TMEM131: variants seen among roughly 807,000 people sequenced by gnomAD.
The protein encoded by TMEM131 is transmembrane protein 131, also known as 2610524E03Rik.
Under a neutral mutation model 211.6 loss-of-function variants are expected in TMEM131, and 66 were observed. The ratio of observed to expected loss-of-function variants is 0.31; its 90% CI spans 0.26 to 0.38. The LOEUF is 0.38. TMEM131 is among the 10% of genes least tolerant of loss of function. TMEM131 has a pLI of 1.00. For synonymous variants in TMEM131, 844 were observed against 841.3 expected (o/e 1.00, Z -0.06); for missense variants, 2,036 against 2,299.3 (o/e 0.89, Z 2.34).
intron 9 of TMEM131, 48 bp downstream of exon 9, chr2:97,834,727 C>G: frequency 6.2e-7 from 1 of 1,607,376 alleles, no homozygotes; most frequent in Non-Finnish European, 8.5e-7. Context: ...CCAGAGTAAG[C>G]TATACTGAAA....
chr2:97,802,593 TA>T, intron 23 of TMEM131, 56 bp from the exon 24 acceptor site: 3 of 1,603,970 alleles, frequency 1.9e-6, no homozygotes, highest in Non-Finnish European at 2.6e-6. Context: ...AAGCTAAGAG[TA>T]AATACTTTAT....
chr2:97,973,268 T>C (rs1203843068), intron 1 of TMEM131, among the ~76,000 whole-genome samples: 1 of 152,234 alleles, frequency 6.6e-6, no homozygotes, highest in Non-Finnish European at 1.5e-5. Flanking sequence ...CTTCTGGGCA[T>C]GATGTACCCT....
chr2:97,766,679 C>A (rs1257470566), intron 33 of TMEM131, 77 bp from the exon 34 acceptor site: 2 of 1,541,402 alleles, frequency 1.3e-6, no homozygotes, highest in African/African-American at 1.4e-5. Context: ...GATTGTAATT[C>A]TTCTACAATA....
chr2:97,792,254 C>T, intron 31 of TMEM131, 132 bp downstream of exon 31: 2 of 676,234 alleles, frequency 3.0e-6, no homozygotes, highest in Admixed American at 3.6e-5. Context: ...AAGTCCAACA[C>T]TGGAGATAAA....
At chr2:97,902,371 A>G (rs1040832840) in intron 3 of TMEM131, among the ~76,000 whole-genome samples, 1 of 152,198 alleles carries the variant, frequency 6.6e-6, no homozygotes, top group African/African-American at 2.4e-5. Context: ...GATTGAACAA[A>G]TCAATACACT....
chr2:97,932,315 T>A (rs1677260331), intron 1 of TMEM131, among the ~76,000 whole-genome samples: 1 of 152,206 alleles, frequency 6.6e-6, no homozygotes, highest in Admixed American at 6.5e-5. Context: ...AAAGACATTT[T>A]ATGATCAAAG....
In TMEM131 at chr2:97,901,346, G is replaced by A. The variant is rs148909766; in HGVS notation, c.290+7312C>T. The stretch of plus-strand genomic sequence containing the variant: ...TTTCTTCAAGTAGTTTTATAGTTTC[G>A]GGTCTTAGATATAAGTCTTTAATCC... On this transcript the variant is annotated intron_variant, in intron 3 of 40. Transcript: ENST00000186436. Among the ~76,000 whole-genome samples the A allele has an allele frequency of 3.2e-3, 481 of 152,006 alleles. 1 individual carries two copies. The highest frequency in any genetic ancestry group is 5.8e-3 in the Non-Finnish European group (397 of 67,920).
intron 2 of TMEM131, among the ~76,000 whole-genome samples, chr2:97,922,220 C>G (rs770032644): frequency 6.6e-6 from 1 of 152,154 alleles, no homozygotes; most frequent in East Asian, 1.9e-4. Flanking sequence ...GAATCTAATG[C>G]CACCACTGAT....
intron 1 of TMEM131, among the ~76,000 whole-genome samples, chr2:97,932,938 GATT>G (rs1209910730): frequency 6.6e-6 from 1 of 151,684 alleles, no homozygotes; most frequent in African/African-American, 2.4e-5. Context: ...GGCTCCATAA[GATT>G]ATAATACTGT....
intron 28 of TMEM131, among the ~76,000 whole-genome samples, 187 bp from the exon 29 acceptor site, chr2:97,795,302 T>C (rs567636865): frequency 6.6e-6 from 1 of 152,354 alleles, no homozygotes; most frequent in East Asian, 1.9e-4. Context: ...AACTGTATTC[T>C]GTGAATAATT....
At chr2:97,959,643 T>G (rs2104562688) in intron 1 of TMEM131, among the ~76,000 whole-genome samples, 1 of 152,244 alleles carries the variant, frequency 6.6e-6, no homozygotes, top group Admixed American at 6.5e-5. Context: ...GTAAATACTT[T>G]CAGCACAGAT....
intron 1 of TMEM131, among the ~76,000 whole-genome samples, chr2:97,985,362 T>C (rs1427825699): frequency 6.6e-6 from 1 of 151,572 alleles, no homozygotes; most frequent in Non-Finnish European, 1.5e-5. Flanking sequence ...AATACATATA[T>C]ATATATACAC....
At chr2:97,845,799 CA>C (rs1683401364) in intron 5 of TMEM131, among the ~76,000 whole-genome samples, 2 of 148,784 alleles carry the variant, frequency 1.3e-5, no homozygotes, top group Non-Finnish European at 3.0e-5. Flanking sequence ...GCTGGTGCCT[CA>C]AAAAGTCCAT....
intron 1 of TMEM131, among the ~76,000 whole-genome samples, chr2:97,967,607 C>T (rs1161446006): frequency 1.3e-5 from 2 of 151,896 alleles, no homozygotes; most frequent in African/African-American, 2.4e-5. Flanking sequence ...TCAACTAATT[C>T]GAACGGTGCA....
chr2:97,781,651 T>C (rs758068446), intron 31 of TMEM131, among the ~76,000 whole-genome samples: 1 of 152,152 alleles, frequency 6.6e-6, no homozygotes, highest in Non-Finnish European at 1.5e-5. Context: ...CTTTTCCTTA[T>C]TCTTCCTGCC....
rs759029578 is a variant in TMEM131, at chr2:97,837,088, T to C, written c.793A>G (p.Arg265Gly). ...AGGTTACAACTCACCCACAGTTTTC[T>C]GGTACCTCCTTGTTGACCCGTTGGG... The part of the protein sequence containing the change: ...ELPTGQQGGT[R>G]KLWEIPPYET... Residue 265 changes from arginine (R) to glycine (G), a missense_variant, in exon 8 of 41, where the codon AGA becomes GGA. Arg to Gly is a moderately radical substitution (Grantham distance 125). Transcript: ENST00000186436. 5 of 1,612,884 alleles carry C rather than the reference T, an allele frequency of 3.1e-6. No individual in the cohort carries two copies. In the African/African-American group the frequency reaches 6.7e-5, roughly 22 times the overall value.
At chr2:97,858,850 G>T (rs956215697) in intron 5 of TMEM131, among the ~76,000 whole-genome samples, 1 of 152,184 alleles carries the variant, frequency 6.6e-6, no homozygotes, top group East Asian at 1.9e-4. Context: ...TTTCCCCTCA[G>T]AGCCTCTGGA....
At chr2:97,823,182 T>C (rs1485163258) in intron 11 of TMEM131, among the ~76,000 whole-genome samples, 1 of 152,132 alleles carries the variant, frequency 6.6e-6, no homozygotes, top group African/African-American at 2.4e-5. Flanking sequence ...TTCCTATTAA[T>C]GATAAGCCTC....
Position 97,793,535 on chromosome 2 carries a change from G to T in TMEM131, c.3405C>A (p.Val1135=). 3 of 1,613,056 alleles carry T rather than the reference G, an allele frequency of 1.9e-6. No homozygotes were observed. Among genetic ancestry groups the T allele is most frequent in the South Asian group, 1.1e-5 (1 of 90,896 alleles). The change falls in exon 30 of 41, where the codon GTC becomes GTA. Residue 1135 remains valine, a synonymous_variant. Coordinates refer to ENST00000186436, the MANE Select transcript of TMEM131 (RefSeq NM_015348.2). ...GAGCTTCCAAATAGGCTGTTCCAAT[G>T]ACCAAAAGAAACAGTGCACTGCAGG... is the stretch of plus-strand genomic sequence containing the variant. ...SGIMSALFLL[V]IGTAYLEAQG... is the part of the protein sequence containing the mutation.
Sources: gnomAD v4.1 joint callset for allele counts (sites outside exome capture counted in the v4.1 genomes callset) on GRCh38, gnomAD v4.1.1 for gene constraint, MANE v1.5 for transcripts, NCBI Gene and HGNC (gene_info 2026-07-23, HGNC 2026-07-21) for gene names.